The following NAE1 variants were observed in gnomAD, a reference collection of about 807,000 sequenced individuals.
NAE1 encodes NEDD8 activating enzyme E1 subunit 1.
Under a neutral mutation model 88.0 loss-of-function variants are expected in NAE1, and 59 were observed. That is an observed-to-expected ratio of 0.67 (90% CI 0.54 to 0.83). The LOEUF (loss-of-function observed/expected upper bound fraction) is 0.83, where lower values mean the gene tolerates loss of function less well. Among genes scored for constraint, NAE1 ranks in the 40% least tolerant of loss-of-function variants. NAE1 has a pLI of 0.00. For synonymous variants in NAE1, 186 were observed against 208.9 expected, an observed-to-expected ratio of 0.89 and a Z score of 0.95; for missense variants, 554 against 632.8, an observed-to-expected ratio of 0.88 and a Z score of 1.34.
rs1042734338 is a variant in NAE1 at position 66,809,066 on chromosome 16, G to C, written c.1160C>G (p.Ser387Cys). The C allele has an allele frequency of 5.6e-6, 9 of 1,611,170 alleles. No individual in the cohort carries two copies. Among genetic ancestry groups the C allele is most frequent in the Non-Finnish European group, 7.6e-6 (9 of 1,178,164 alleles). The change falls in exon 16 of 20, where the codon TCT (serine) becomes TGT (cysteine). Residue 387 changes from serine to cysteine, a missense_variant. Physicochemically the swap from Ser to Cys is moderately radical, Grantham distance 112. Coordinates refer to ENST00000290810, the MANE Select transcript of NAE1 (RefSeq NM_003905.4). ...EKELKLLCSN[S>C]AFLRVVRCRS... ...ACATCTTACCACTCGAAGAAATGCA[G>C]AATTGCTGCCTGAACAGAGGAAAGA... is the stretch of plus-strand genomic sequence containing the variant.
At chr16:66,814,167 A>G (rs1959938356) in intron 11 of NAE1, among the ~76,000 whole-genome samples, 1 of 152,184 alleles carries the variant, frequency 6.6e-6, no homozygotes, top group African/African-American at 2.4e-5. Flanking sequence ...GACTCGCAGT[A>G]TATCATGATT....
In NAE1 at chr16:66,820,528, C is replaced by T. The variant is rs544074047; in HGVS notation, c.511+922G>A. Among the ~76,000 whole-genome samples the T allele has an allele frequency of 9.9e-5, 15 of 152,232 alleles. No individual in the cohort carries two copies. The South Asian group carries it at 2.7e-3, about 27-fold the overall frequency. The stretch of plus-strand genomic sequence containing the variant: ...ATCCCAGCACCTTGGGAGGCCAAGG[C>T]GGGTGGATCACCTGAGGTCAGGAGT... On this transcript the variant is annotated intron_variant, in intron 7 of 19. Coordinates refer to ENST00000290810, the MANE Select transcript of NAE1 (RefSeq NM_003905.4).
At chr16:66,825,242 T>G (rs900547886) in intron 3 of NAE1, among the ~76,000 whole-genome samples, 1 of 151,984 alleles carries the variant, frequency 6.6e-6, no homozygotes, top group African/African-American at 2.4e-5. Flanking sequence ...AGTCAGGAGA[T>G]CGAGACCATC....
Position 66,818,646 on chromosome 16 carries a change from CAAAG to C in NAE1, c.512-13_512-10del, listed in dbSNP as rs778947311. The stretch of plus-strand genomic sequence containing the variant: ...TGGATGAGATTCTATTACTGTGAAA[CAAAG>C]AATTCAAAAGGATAAATTTAACACT... On this transcript the variant is annotated splice_polypyrimidine_tract_variant and intron_variant, in intron 7 of 19. Transcript: ENST00000290810. 4 of 1,561,390 alleles carry C rather than the reference CAAAG, an allele frequency of 2.6e-6. No individual in the cohort carries two copies. The African/African-American group carries it at 5.6e-5, about 22-fold the overall frequency.
rs1960067089 is a variant in NAE1, at chr16:66,816,959, T to C, written c.748+6A>G. On this transcript the variant is annotated splice_donor_region_variant and intron_variant, in intron 10 of 19. Transcript: ENST00000290810. ...TTATACAGTATTTAATCATATCCCA[T>C]ATTACCTTGTCTAATCAAATCTCTG... The C allele has an allele frequency of 6.3e-7, 1 of 1,593,418 alleles. No individual in the cohort carries two copies. The highest frequency in any genetic ancestry group is 8.5e-7 in the Non-Finnish European group (1 of 1,174,910).
At chr16:66,817,779 G>A (rs188327500) in intron 8 of NAE1, among the ~76,000 whole-genome samples, 1 of 152,224 alleles carries the variant, frequency 6.6e-6, no homozygotes, top group African/African-American at 2.4e-5. Context: ...TCCTAAGTAA[G>A]AAAGGAGGAT....
intron 19 of NAE1, 146 bp from the exon 20 acceptor site, chr16:66,803,264 A>G (rs1368247126): frequency 1.6e-6 from 1 of 608,656 alleles, no homozygotes; most frequent in Non-Finnish European, 2.9e-6. Flanking sequence ...ACTGAGTCAT[A>G]TCAACATAAA....
Position 66,821,450 on chromosome 16 carries a change from C to A in NAE1, c.511G>T (p.Val171Leu). The A allele has an allele frequency of 6.4e-7, 1 of 1,553,502 alleles. No homozygotes were observed. The highest frequency in any genetic ancestry group is 8.7e-7 in the Non-Finnish European group (1 of 1,154,258). The change falls in exon 7 of 20, where the codon GTA becomes TTA. Residue 171 changes from valine to leucine, a missense_variant and splice_region_variant. Transcript: ENST00000290810. ...YMRIIIKEHP[V>L]IESHPDNALE... Reference sequence around the variant, plus strand: ...AAGCCCATATGCTCAACAATTTTACCTGGATGTTCTTTTATAATGATCCTC... The same window carrying A: ...AAGCCCATATGCTCAACAATTTTACATGGATGTTCTTTTATAATGATCCTC...
At position 66,813,838 on chromosome 16, in the gene NAE1, G is replaced by A; in HGVS notation, c.849C>T (p.Ser283=). The change falls in exon 12 of 20, where the codon AGC becomes AGT. Residue 283 remains serine (S), a synonymous_variant. Transcript: ENST00000290810. Reference sequence around the variant, plus strand: ...CATCATTAAATATATCTTCAATACTGCTTGGGATCTAACAAAGGAACATGA... The same window carrying A: ...CATCATTAAATATATCTTCAATACTACTTGGGATCTAACAAAGGAACATGA... The part of the protein sequence containing the change: ...NTALNTTQIP[S]SIEDIFNDDR... The A allele has an allele frequency of 1.9e-6, 3 of 1,612,622 alleles. No individual in the cohort carries two copies.
Position 66,805,895 on chromosome 16 carries a change from C to A in NAE1, c.1445+17G>T, listed in dbSNP as rs1053124606. Reference sequence around the variant, plus strand: ...CAGGTGTGGAATCATCTCCTAGATACCCTAAAAAATACTCACAATTCGTGG... The same window carrying A: ...CAGGTGTGGAATCATCTCCTAGATAACCTAAAAAATACTCACAATTCGTGG... On this transcript the variant is annotated intron_variant, in intron 18 of 19. Transcript: ENST00000290810. 1 of 1,604,080 alleles carries A rather than the reference C, an allele frequency of 6.2e-7. No homozygotes were observed. The highest frequency in any genetic ancestry group is 8.5e-7 in the Non-Finnish European group (1 of 1,176,496).
intron 11 of NAE1, among the ~76,000 whole-genome samples, chr16:66,815,068 G>A (rs1597043254): frequency 6.6e-6 from 1 of 152,124 alleles, no homozygotes; most frequent in Non-Finnish European, 1.5e-5. Flanking sequence ...GGCTCCCTAT[G>A]TACAATTGTC....
chr16:66,804,367 T>C (rs1314491422), intron 19 of NAE1, among the ~76,000 whole-genome samples: 4 of 152,236 alleles, frequency 2.6e-5, no homozygotes, highest in African/African-American at 9.6e-5. Context: ...AATAATAATT[T>C]GCCCTTTTCT....
intron 19 of NAE1, among the ~76,000 whole-genome samples, chr16:66,805,024 G>A (rs564340987): frequency 6.6e-6 from 1 of 152,320 alleles, no homozygotes; most frequent in Admixed American, 6.5e-5. Flanking sequence ...AGGGAGGGAA[G>A]TAAAGGGAGC....
chr16:66,818,370 A>G (rs982431211), intron 8 of NAE1, among the ~76,000 whole-genome samples, 158 bp downstream of exon 8: 5 of 152,244 alleles, frequency 3.3e-5, no homozygotes, highest in South Asian at 2.1e-4. Context: ...AGAAAAATTA[A>G]TATGTTGAAA....
Position 66,813,864 on chromosome 16 carries a change from A to C in NAE1, c.841-18T>G. 2 of 1,605,884 alleles carry C rather than the reference A, an allele frequency of 1.2e-6. No individual in the cohort carries two copies. Among genetic ancestry groups the C allele is most frequent in the Non-Finnish European group, 1.7e-6 (2 of 1,174,032 alleles). On this transcript the variant is annotated intron_variant, in intron 11 of 19. Transcript: ENST00000290810. ...CTTGGGATCTAACAAAGGAACATGA[A>C]ACATTTACTTACACAGTATTAAGAA...
chr16:66,812,772 G>T (rs1436428893), intron 13 of NAE1, among the ~76,000 whole-genome samples: 5 of 151,250 alleles, frequency 3.3e-5, no homozygotes, highest in Admixed American at 2.6e-4. Context: ...ACCCGTCTCG[G>T]CCTCCCGAAG....
intron 11 of NAE1, among the ~76,000 whole-genome samples, chr16:66,814,281 A>G (rs1357194954): frequency 6.6e-6 from 1 of 152,196 alleles, no homozygotes; most frequent in Non-Finnish European, 1.5e-5. Flanking sequence ...ATTGCTAGCA[A>G]GATCTTCATA....
chr16:66,808,538 T>G lies in NAE1; in HGVS notation c.1313A>C (p.Gln438Pro). The change falls in exon 17 of 20, where the codon CAA becomes CCA. Residue 438 changes from glutamine to proline, a missense_variant. Physicochemically the swap from Gln to Pro is moderately conservative, Grantham distance 76. Coordinates refer to ENST00000290810, the MANE Select transcript of NAE1 (RefSeq NM_003905.4). ...ATTCTTACCTGGATATCTACCCTGT[T>G]GTTTATGAAATCTATCAACAGCCCG... Reference protein sequence around the residue: ...MLRAVDRFHKQQGRYPGVSNY... With the variant: ...MLRAVDRFHKPQGRYPGVSNY... 6.3e-7 allele frequency: 1 copy of G among 1,585,996 alleles called. No individual in the cohort carries two copies. The highest frequency in any genetic ancestry group is 8.6e-7 in the Non-Finnish European group (1 of 1,156,742).
In NAE1 at chr16:66,808,630, T is replaced by A. The variant is rs756168849; in HGVS notation, c.1238-17A>T. 10 of 1,557,054 alleles carry A rather than the reference T, an allele frequency of 6.4e-6. No homozygotes were observed. The highest frequency in any genetic ancestry group is 1.1e-5 in the South Asian group (1 of 87,566). On this transcript the variant is annotated splice_polypyrimidine_tract_variant and intron_variant, in intron 16 of 19. Transcript: ENST00000290810. ...TGCTAGAAACTGAAAGGAAAAAAAA[T>A]TTCAGTTTAATTTGGTTAATTTGCA...
Sources: gnomAD v4.1 joint callset for allele counts (sites outside exome capture counted in the v4.1 genomes callset) on GRCh38, gnomAD v4.1.1 for gene constraint, MANE v1.5 for transcripts, NCBI Gene and HGNC (gene_info 2026-07-23, HGNC 2026-07-21) for gene names.